Variants in BRMS1L observed in about 807,000 individuals in gnomAD.
The protein encoded by BRMS1L is BRMS1 like transcriptional repressor, also known as breast cancer metastasis-suppressor 1-like protein.
BRMS1L carries 23 observed loss-of-function variants against 50.3 expected under a neutral mutation model. The ratio of observed to expected loss-of-function variants is 0.46; its 90% CI spans 0.33 to 0.65. BRMS1L has a LOEUF of 0.65. Ranked by LOEUF, BRMS1L falls within the 30% of genes least tolerant of loss-of-function variation. The pLI is 0.02. For synonymous variants in BRMS1L, 114 were observed against 126.9 expected, an observed-to-expected ratio of 0.90 and a Z score of 0.69; for missense variants, 286 against 386.1, an observed-to-expected ratio of 0.74 and a Z score of 2.17.
intron 4 of BRMS1L, among the ~76,000 whole-genome samples, chr14:35,837,072 T>C (rs1398174257): frequency 6.6e-6 from 1 of 151,838 alleles, no homozygotes; most frequent in Non-Finnish European, 1.5e-5. Flanking sequence ...CTGACCAATA[T>C]GATGAAACCC....
At chr14:35,850,631 A>G (rs1284982060) in intron 4 of BRMS1L, among the ~76,000 whole-genome samples, 2 of 152,222 alleles carry the variant, frequency 1.3e-5, no homozygotes, top group South Asian at 2.1e-4. Context: ...TGCCAAGACC[A>G]GTGTCATGAA....
chr14:35,827,682 T>C (rs575893021), intron 1 of BRMS1L, among the ~76,000 whole-genome samples: 18 of 152,366 alleles, frequency 1.2e-4, no homozygotes, highest in Admixed American at 2.6e-4. Flanking sequence ...ATAGTTATTA[T>C]CTGGGCTCAC....
At chr14:35,847,603 A>C (rs1008699107) in intron 4 of BRMS1L, among the ~76,000 whole-genome samples, 3 of 152,252 alleles carry the variant, frequency 2.0e-5, no homozygotes, top group African/African-American at 4.8e-5. Context: ...TGGAGGCCAA[A>C]GGTACTAATG....
At chr14:35,850,209 C>CT (rs72493491) in intron 4 of BRMS1L, among the ~76,000 whole-genome samples, 420 of 128,910 alleles carry the variant, frequency 3.3e-3, no homozygotes, top group East Asian at 0.017. Context: ...GTTGCCTTTT[C>CT]TTTTTTTTTT....
intron 1 of BRMS1L, among the ~76,000 whole-genome samples, chr14:35,829,420 C>T (rs1369026669): frequency 1.3e-5 from 2 of 152,114 alleles, no homozygotes; most frequent in Non-Finnish European, 2.9e-5. Flanking sequence ...TAATGAACAA[C>T]TTAATTTTTG....
At chr14:35,835,260 G>A (rs1046053280) in intron 4 of BRMS1L, among the ~76,000 whole-genome samples, 4 of 152,148 alleles carry the variant, frequency 2.6e-5, no homozygotes, top group Admixed American at 6.5e-5. Flanking sequence ...ACACTCAATG[G>A]TGCAGTTAGG....
intron 4 of BRMS1L, among the ~76,000 whole-genome samples, chr14:35,841,600 G>C (rs1677980035): frequency 6.6e-6 from 1 of 152,190 alleles, no homozygotes; most frequent in Non-Finnish European, 1.5e-5. Context: ...CCTGGGCTAT[G>C]TGGTCAATTT....
chr14:35,866,161 T>TA (rs2078418257), intron 8 of BRMS1L: 1 of 163,010 alleles, frequency 6.1e-6, no homozygotes, highest in African/African-American at 2.4e-5. Flanking sequence ...AGAATGCTGA[T>TA]ATGCCTTAGT....
intron 4 of BRMS1L, among the ~76,000 whole-genome samples, chr14:35,846,996 G>T (rs1359275137): frequency 2.6e-5 from 4 of 151,714 alleles, no homozygotes; most frequent in African/African-American, 9.7e-5. Context: ...AAAATAAAAC[G>T]CAGGGTCTCC....
intron 2 of BRMS1L, 75 bp from the exon 3 acceptor site, chr14:35,832,903 T>C (rs2077942649): frequency 1.5e-6 from 2 of 1,330,058 alleles, no homozygotes; most frequent in Non-Finnish European, 2.1e-6. Flanking sequence ...TGGGAACAAA[T>C]AATGTATAGA....
intron 4 of BRMS1L, among the ~76,000 whole-genome samples, chr14:35,838,403 TG>T (rs1302250902): frequency 6.6e-6 from 1 of 152,344 alleles, no homozygotes; most frequent in Admixed American, 6.5e-5. Flanking sequence ...TTGGGATTCC[TG>T]GGTCAAGTGG....
chr14:35,841,998 C>CTTTT (rs574267347), intron 4 of BRMS1L, among the ~76,000 whole-genome samples: 4 of 112,230 alleles, frequency 3.6e-5, no homozygotes, highest in African/African-American at 7.1e-5. Context: ...GCAATCTCTG[C>CTTTT]TTTTTTTTTT....
chr14:35,835,536 A>T (rs1181073221), intron 4 of BRMS1L, among the ~76,000 whole-genome samples: 1 of 152,152 alleles, frequency 6.6e-6, no homozygotes, highest in East Asian at 1.9e-4. Context: ...GGGTTAAAAT[A>T]TTTATAGCAT....
At position 35,833,079 on chromosome 14, in the gene BRMS1L, A is replaced by C; in HGVS notation, c.335A>C (p.Asn112Thr). The change falls in exon 3 of 10, where the codon AAT becomes ACT. Residue 112 changes from asparagine to threonine, a missense_variant. Transcript: ENST00000216807. ...GAACCGCTGGCAACTTTACAGGAAAATATGCAAATTCGTACAAAGGTAGCA... is the reference window on the plus strand; with the variant it reads ...GAACCGCTGGCAACTTTACAGGAAACTATGCAAATTCGTACAAAGGTAGCA... ...YLEPLATLQE[N>T]MQIRTKVAGI... is the part of the protein sequence containing the mutation. The C allele has an allele frequency of 6.2e-7, 1 of 1,613,214 alleles. No homozygotes were observed. The highest frequency in any genetic ancestry group is 8.5e-7 in the Non-Finnish European group (1 of 1,179,476).
chr14:35,865,739 G>T lies in BRMS1L; in HGVS notation c.705G>T (p.Gly235=). 6.3e-7 allele frequency: 1 copy of T among 1,596,948 alleles called. No individual in the cohort carries two copies. ...TAATTAAGGCAATGGCTACATTGGGGCCACACAGAGTGAAAACGGAACGTA... is the reference window on the plus strand; with the variant it reads ...TAATTAAGGCAATGGCTACATTGGGTCCACACAGAGTGAAAACGGAACGTA... The part of the protein sequence containing the change: ...TTIRKAMATL[G]PHRVKTEPPV... The change falls in exon 8 of 10, where the codon GGG becomes GGT. Residue 235 remains glycine, a synonymous_variant. Transcript: ENST00000216807.
At chr14:35,851,400 G>T (rs2078209791) in intron 4 of BRMS1L, among the ~76,000 whole-genome samples, 1 of 151,412 alleles carries the variant, frequency 6.6e-6, no homozygotes, top group Admixed American at 6.6e-5. Flanking sequence ...AAAAAAAGAG[G>T]TGTAGATACT....
intron 1 of BRMS1L, chr14:35,826,868 C>CT (rs1567296471): frequency 1.5e-6 from 1 of 675,120 alleles, no homozygotes; most frequent in Admixed American, 3.3e-5. Flanking sequence ...CGGGGCGGGC[C>CT]TGGGCTTGTC....
intron 4 of BRMS1L, among the ~76,000 whole-genome samples, chr14:35,842,358 G>T (rs1350225345): frequency 1.3e-5 from 2 of 152,126 alleles, no homozygotes; most frequent in Admixed American, 6.6e-5. Flanking sequence ...AGGAGCTCTT[G>T]TAAGGCAGGC....
At chr14:35,858,314 C>T (rs1312576127) in intron 4 of BRMS1L, among the ~76,000 whole-genome samples, 1 of 152,180 alleles carries the variant, frequency 6.6e-6, no homozygotes, top group African/African-American at 2.4e-5. Flanking sequence ...TCCTCCTGCT[C>T]CATCTTTCAT....
Sources: gnomAD v4.1 joint callset for allele counts (sites outside exome capture counted in the v4.1 genomes callset) on GRCh38, gnomAD v4.1.1 for gene constraint, MANE v1.5 for transcripts, NCBI Gene and HGNC (gene_info 2026-07-23, HGNC 2026-07-21) for gene names.